L3MBTL4: variants seen among roughly 807,000 people sequenced by gnomAD.
L3MBTL4 encodes lethal(3)malignant brain tumor-like protein 4.
Under a neutral mutation model 84.5 loss-of-function variants are expected in L3MBTL4, and 70 were observed. That is an observed-to-expected ratio of 0.83 (90% CI 0.68 to 1.01). The LOEUF (loss-of-function observed/expected upper bound fraction) is 1.01. Among genes scored for constraint, L3MBTL4 ranks in the 50% least tolerant of loss-of-function variants. The probability of loss-of-function intolerance (pLI) is 0.00; values close to 1 mark genes in which losing one functional copy is unlikely to be tolerated. For missense variants in L3MBTL4, 715 were observed against 754.8 expected, an observed-to-expected ratio of 0.95 and a Z score of 0.62; for synonymous variants, 274 against 259.8, an observed-to-expected ratio of 1.05 and a Z score of -0.52.
At chr18:6,030,776 T>C (rs776472037) in intron 16 of L3MBTL4, 1 of 984,300 alleles carries the variant, frequency 1.0e-6, no homozygotes, top group East Asian at 1.1e-4. Flanking sequence ...TTTTCTGGCT[T>C]GAAGTTTCAT....
At chr18:6,249,079 T>C (rs2047812109) in intron 5 of L3MBTL4, among the ~76,000 whole-genome samples, 1 of 152,238 alleles carries the variant, frequency 6.6e-6, no homozygotes, top group Non-Finnish European at 1.5e-5. Context: ...AGCCTTCTTC[T>C]CACATCTACT....
intron 1 of L3MBTL4, among the ~76,000 whole-genome samples, chr18:6,355,353 A>T (rs138426348): frequency 2.0e-5 from 3 of 152,206 alleles, no homozygotes; most frequent in Admixed American, 6.5e-5. Context: ...AATTTTTAAG[A>T]TTTCTAATAA....
chr18:6,175,056 A>G (rs2044164874), intron 12 of L3MBTL4, among the ~76,000 whole-genome samples: 2 of 152,098 alleles, frequency 1.3e-5, no homozygotes, highest in Non-Finnish European at 2.9e-5. Flanking sequence ...TAATTTGGCC[A>G]AAAATACCAA....
rs774983983 is a variant in L3MBTL4 at position 6,171,953 on chromosome 18, G to A, written c.982-11C>T. On this transcript the variant is annotated splice_polypyrimidine_tract_variant and intron_variant, in intron 12 of 18. Coordinates refer to ENST00000317931, the MANE Select transcript of L3MBTL4 (RefSeq NM_001330559.2). ...ACCATCAAAATGAACCTGTTAAAAC[G>A]AGTTTTGAATGATTAGCATTTAGTA... 14 of 1,370,030 alleles carry A rather than the reference G, an allele frequency of 1.0e-5. No homozygotes were observed. Among genetic ancestry groups the A allele is most frequent in the South Asian group, 3.8e-5 (3 of 77,934 alleles). The allele number at this position is 1,370,030 out of a possible 1,614,324, so 84.9% of individuals were successfully genotyped here.
chr18:6,026,544 T>C (rs2055512998), intron 16 of L3MBTL4, among the ~76,000 whole-genome samples: 1 of 152,182 alleles, frequency 6.6e-6, no homozygotes. Flanking sequence ...AACATATGAC[T>C]GTGGGTTTTA....
intron 16 of L3MBTL4, among the ~76,000 whole-genome samples, chr18:5,996,314 A>C (rs1466015124): frequency 1.3e-5 from 2 of 152,236 alleles, no homozygotes; most frequent in Non-Finnish European, 2.9e-5. Flanking sequence ...GTTTAGCAAT[A>C]ACTCCAAGAA....
chr18:5,987,996 A>C (rs1051880523), intron 16 of L3MBTL4, among the ~76,000 whole-genome samples: 18 of 152,372 alleles, frequency 1.2e-4, no homozygotes, highest in Admixed American at 5.9e-4. Context: ...GCATAAATAC[A>C]TTAAAATATT....
intron 1 of L3MBTL4, among the ~76,000 whole-genome samples, chr18:6,365,722 C>CA (rs1390371370): frequency 6.6e-6 from 1 of 152,178 alleles, no homozygotes; most frequent in African/African-American, 2.4e-5. Context: ...CCATCTTCTG[C>CA]AAAAATGCCA....
At chr18:6,175,730 A>C (rs1199043262) in intron 12 of L3MBTL4, among the ~76,000 whole-genome samples, 4 of 152,222 alleles carry the variant, frequency 2.6e-5, no homozygotes. Context: ...TATCAGACTA[A>C]GTAATACTTT....
intron 13 of L3MBTL4, among the ~76,000 whole-genome samples, chr18:6,141,548 G>A (rs115121408): frequency 3.9e-5 from 6 of 152,114 alleles, no homozygotes; most frequent in African/African-American, 1.2e-4. Flanking sequence ...GCTCATCTCC[G>A]TGACTGCATT....
chr18:5,982,355 T>G (rs2053272164), intron 16 of L3MBTL4, among the ~76,000 whole-genome samples: 1 of 152,212 alleles, frequency 6.6e-6, no homozygotes, highest in African/African-American at 2.4e-5. Context: ...CAGTGCAGAA[T>G]AGACTTCCCA....
intron 1 of L3MBTL4, among the ~76,000 whole-genome samples, chr18:6,333,469 G>A (rs1375528969): frequency 6.6e-6 from 1 of 152,018 alleles, no homozygotes; most frequent in East Asian, 1.9e-4. Context: ...CAGCTACGTG[G>A]GAGGCTGAGG....
At chr18:5,977,761 T>C (rs1219734460) in intron 16 of L3MBTL4, among the ~76,000 whole-genome samples, 1 of 152,160 alleles carries the variant, frequency 6.6e-6, no homozygotes. Flanking sequence ...GGTTTGGGGT[T>C]CCAGGTGCAC....
At chr18:6,402,975 G>T (rs1029204199) in intron 1 of L3MBTL4, among the ~76,000 whole-genome samples, 8 of 152,180 alleles carry the variant, frequency 5.3e-5, no homozygotes, top group Admixed American at 4.6e-4. Flanking sequence ...CAGAGGCAGA[G>T]GTAGGAAAGA....
intron 12 of L3MBTL4, among the ~76,000 whole-genome samples, chr18:6,206,506 T>C (rs2045881707): frequency 6.6e-6 from 1 of 152,128 alleles, no homozygotes; most frequent in Non-Finnish European, 1.5e-5. Flanking sequence ...GTGGGGGAGT[T>C]ATCCAGGGAG....
chr18:6,362,295 A>G (rs959341114), intron 1 of L3MBTL4, among the ~76,000 whole-genome samples: 1 of 151,904 alleles, frequency 6.6e-6, no homozygotes, highest in African/African-American at 2.4e-5. Context: ...GAAGAGAAAG[A>G]AAGAGGAAGA....
intron 16 of L3MBTL4, among the ~76,000 whole-genome samples, chr18:6,058,188 CTT>C (rs2057091100): frequency 6.6e-6 from 1 of 152,138 alleles, no homozygotes; most frequent in Admixed American, 6.5e-5. Context: ...AGTTTTATCT[CTT>C]AGAAATTTAA....
intron 16 of L3MBTL4, among the ~76,000 whole-genome samples, chr18:5,993,967 T>G (rs1422220698): frequency 1.3e-5 from 2 of 152,042 alleles, no homozygotes; most frequent in Non-Finnish European, 2.9e-5. Context: ...AAGCCAGGGG[T>G]TCAAAGGAAC....
intron 16 of L3MBTL4, among the ~76,000 whole-genome samples, chr18:6,018,895 T>C (rs1256328302): frequency 6.6e-6 from 1 of 152,174 alleles, no homozygotes; most frequent in East Asian, 1.9e-4. Context: ...CTTAACAACA[T>C]CTCAGGGACC....
Sources: gnomAD v4.1 joint callset for allele counts (sites outside exome capture counted in the v4.1 genomes callset) on GRCh38, gnomAD v4.1.1 for gene constraint, MANE v1.5 for transcripts, NCBI Gene and HGNC (gene_info 2026-07-23, HGNC 2026-07-21) for gene names.